SUDS3: variants seen among roughly 807,000 people sequenced by gnomAD.
SUDS3 encodes the protein SIN3A corepressor complex component SDS3.
SUDS3 carries 23 observed loss-of-function variants against 53.5 expected under a neutral mutation model. The ratio of observed to expected loss-of-function variants is 0.43; its 90% CI spans 0.31 to 0.61. The LOEUF (loss-of-function observed/expected upper bound fraction) is 0.61. SUDS3 is among the 20% of genes least tolerant of loss of function. SUDS3 has a pLI of 0.10. For synonymous variants in SUDS3, 150 were observed against 148.5 expected (o/e 1.01, Z -0.08); for missense variants, 291 against 405.9 (o/e 0.72, Z 2.43).
At chr12:118,399,276 C>T (rs1313183961) in intron 6 of SUDS3, among the ~76,000 whole-genome samples, 2 of 151,900 alleles carry the variant, frequency 1.3e-5, no homozygotes, top group South Asian at 2.1e-4. Flanking sequence ...CTGAGGAGGG[C>T]GGATCACTTG....
At chr12:118,387,612 C>G (rs762776765) in intron 4 of SUDS3, among the ~76,000 whole-genome samples, 19 of 151,084 alleles carry the variant, frequency 1.3e-4, no homozygotes, top group Admixed American at 2.6e-4. Flanking sequence ...AGTGTGGTGG[C>G]GCTATCTCAG....
At chr12:118,411,753 G>A (rs766060619) in intron 11 of SUDS3, among the ~76,000 whole-genome samples, 5 of 151,984 alleles carry the variant, frequency 3.3e-5, no homozygotes, top group South Asian at 2.1e-4. Context: ...TACCCAGCTC[G>A]GCCTCCCAAA....
Position 118,407,720 on chromosome 12 carries a change from G to GTT in SUDS3, c.804-3338_804-3337dup, listed in dbSNP as rs398055978. On this transcript the variant is annotated intron_variant, in intron 10 of 11. Transcript: ENST00000543473. ...GTAACATGTATATGTGTTATTTTTG[G>GTT]TTTTTTTTTTTTTTTTGAGACAGAG... Among the ~76,000 whole-genome samples, 576 of 137,106 alleles carry GTT rather than the reference G, an allele frequency of 4.2e-3. 7 individuals carry two copies. Among genetic ancestry groups the GTT allele is most frequent in the African/African-American group, 0.014 (532 of 37,368 alleles). The allele number at this position is 137,106 out of a possible 152,430, so 89.9% of individuals were successfully genotyped here. A position where few individuals can be genotyped will look rare whatever the true frequency, so the allele number is the denominator to read the frequency against.
At chr12:118,393,633 G>A (rs561382039) in intron 6 of SUDS3, among the ~76,000 whole-genome samples, 1 of 152,032 alleles carries the variant, frequency 6.6e-6, no homozygotes, top group South Asian at 2.1e-4. Flanking sequence ...TTGGAGTGGA[G>A]GCTGAGATCC....
At position 118,386,207 on chromosome 12, in the gene SUDS3, A is replaced by G. The variant is rs772082448; in HGVS notation, c.340+22A>G. 11 of 1,565,478 alleles carry G rather than the reference A, an allele frequency of 7.0e-6. No individual in the cohort carries two copies. In the African/African-American group the frequency reaches 1.1e-4, roughly 15 times the overall value. On this transcript the variant is annotated intron_variant, in intron 4 of 11. Transcript: ENST00000543473. ...GCAGGTAAGGCTCCTTTAAATGGCA[A>G]TGAATCATCTTTCAATGTTTGACCA...
At chr12:118,398,153 G>A (rs1339356077) in intron 6 of SUDS3, among the ~76,000 whole-genome samples, 1 of 152,110 alleles carries the variant, frequency 6.6e-6, no homozygotes, top group Non-Finnish European at 1.5e-5. Context: ...ATAAAAACTA[G>A]CATTGATAGA....
chr12:118,401,956 G>C (rs1424323055), intron 8 of SUDS3, 27 bp from the exon 9 acceptor site: 2 of 1,613,736 alleles, frequency 1.2e-6, no homozygotes, highest in Non-Finnish European at 1.7e-6. Flanking sequence ...TTTTCTCTAA[G>C]ATTTTTTGTT....
intron 2 of SUDS3, among the ~76,000 whole-genome samples, chr12:118,382,957 C>G (rs967648559): frequency 2.0e-5 from 3 of 152,114 alleles, no homozygotes; most frequent in Admixed American, 6.5e-5. Context: ...CGTGAGCCAC[C>G]TTGCCTGGCC....
At chr12:118,408,591 C>T (rs2046329701) in intron 10 of SUDS3, among the ~76,000 whole-genome samples, 1 of 152,206 alleles carries the variant, frequency 6.6e-6, no homozygotes, top group Non-Finnish European at 1.5e-5. Context: ...ACCTCGGCCT[C>T]CCGCAGTGCT....
chr12:118,382,149 C>T (rs1035771008), intron 2 of SUDS3, among the ~76,000 whole-genome samples: 2 of 151,814 alleles, frequency 1.3e-5, no homozygotes, highest in African/African-American at 4.8e-5. Context: ...GAGTGATTGT[C>T]ATGGCTAAGC....
chr12:118,403,504 T>A lies in SUDS3; in HGVS notation c.790T>A (p.Tyr264Asn). 6.2e-7 allele frequency: 1 copy of A among 1,612,900 alleles called. No individual in the cohort carries two copies. Among genetic ancestry groups the A allele is most frequent in the Non-Finnish European group, 8.5e-7 (1 of 1,179,458 alleles). ...EARIEDGKLY[Y>N]DKRWYHKSQA... ...TCGGATAGAAGATGGCAAACTGTACTATGACAAAAGATGGTATGTTATGGG... is the reference window on the plus strand; with the variant it reads ...TCGGATAGAAGATGGCAAACTGTACAATGACAAAAGATGGTATGTTATGGG... Residue 264 changes from tyrosine (Y) to asparagine (N), a missense_variant, in exon 10 of 12, where the codon TAT becomes AAT. By Grantham distance (143) the Tyr-to-Asn change is moderately radical (BLOSUM62 -2). Around this residue, in one of 4 missense-constraint regions of SUDS3, gnomAD observed 77 missense variants for 87.1 expected, o/e 0.88. Coordinates refer to ENST00000543473, the MANE Select transcript of SUDS3 (RefSeq NM_022491.3).
At chr12:118,384,807 G>A (rs2141364023) in intron 3 of SUDS3, among the ~76,000 whole-genome samples, 1 of 151,674 alleles carries the variant, frequency 6.6e-6, no homozygotes, top group East Asian at 2.0e-4. Context: ...ACTCCAGCAT[G>A]GGCGACAAAG....
At chr12:118,400,142 A>C (rs1231337356) in intron 6 of SUDS3, among the ~76,000 whole-genome samples, 1 of 152,104 alleles carries the variant, frequency 6.6e-6, no homozygotes, top group Non-Finnish European at 1.5e-5. Context: ...AGTAGCTACA[A>C]AAGGTTATAG....
At chr12:118,397,121 C>G (rs76859175) in intron 6 of SUDS3, among the ~76,000 whole-genome samples, 1 of 152,088 alleles carries the variant, frequency 6.6e-6, no homozygotes, top group Non-Finnish European at 1.5e-5. Flanking sequence ...ATGAGGAGAC[C>G]TCTGGATCAG....
chr12:118,405,726 A>G lies in SUDS3; in HGVS notation c.803+2209A>G, dbSNP rs1378396694. The stretch of plus-strand genomic sequence containing the variant: ...CCCTCTTCCCCAATGACAATTGAAA[A>G]GTGTTCCTGGGAATACTGGCTGAGG... On this transcript the variant is annotated intron_variant, in intron 10 of 11. Transcript: ENST00000543473. 1.8e-4 allele frequency among the ~76,000 whole-genome samples: 27 copies of G among 152,170 alleles called. 1 individual carries two copies.
At chr12:118,390,910 G>A (rs2141370560) in intron 5 of SUDS3, 1 of 631,012 alleles carries the variant, frequency 1.6e-6, no homozygotes. Flanking sequence ...AAAATATCTG[G>A]GTAGCAAGTG....
intron 4 of SUDS3, among the ~76,000 whole-genome samples, chr12:118,389,339 G>C (rs1178685944): frequency 6.6e-6 from 1 of 152,046 alleles, no homozygotes; most frequent in Non-Finnish European, 1.5e-5. Context: ...CATCCACTCT[G>C]TTTCTGGAGT....
chr12:118,385,348 A>G (rs751839792), intron 3 of SUDS3, among the ~76,000 whole-genome samples: 2 of 152,148 alleles, frequency 1.3e-5, no homozygotes, highest in African/African-American at 2.4e-5. Context: ...AACTCAGGTG[A>G]TCCGCCCACC....
At position 118,415,084 on chromosome 12, in the gene SUDS3, G is replaced by C. The variant is rs2046389184; in HGVS notation, c.*651G>C. ...ACTGAAGTAAATGGGGTTGGGGGAG[G>C]GGACATTTCATATTTATAATGTGCT... On this transcript the variant is annotated 3_prime_UTR_variant, in exon 12 of 12. Transcript: ENST00000543473. The C allele has an allele frequency of 6.6e-6, 1 of 152,202 alleles. No homozygotes were observed. Among genetic ancestry groups the C allele is most frequent in the African/African-American group, 2.4e-5 (1 of 41,434 alleles). The allele number at this position is 152,202 out of a possible 1,614,324, so 9.4% of individuals were successfully genotyped here.
Sources: gnomAD v4.1 joint callset for allele counts (sites outside exome capture counted in the v4.1 genomes callset) on GRCh38, gnomAD v4.1.1 for gene constraint, gnomAD v4.1.1 regional missense constraint, MANE v1.5 for transcripts, NCBI Gene and HGNC (gene_info 2026-07-23, HGNC 2026-07-21) for gene names.